IL1RAPL2: variants seen among roughly 807,000 people sequenced by gnomAD.
The protein encoded by IL1RAPL2 is X-linked interleukin-1 receptor accessory protein-like 2.
Under a neutral mutation model 44.1 loss-of-function variants are expected in IL1RAPL2, and 3 were observed. That is an observed-to-expected ratio of 0.07 (90% CI 0.03 to 0.18). The LOEUF is 0.18. Ranked by LOEUF, IL1RAPL2 falls within the 10% of genes least tolerant of loss-of-function variation. The pLI is 1.00. For missense variants in IL1RAPL2, 391 were observed against 496.4 expected, an observed-to-expected ratio of 0.79 and a Z score of 2.02; for synonymous variants, 181 against 178.8, an observed-to-expected ratio of 1.01 and a Z score of -0.10.
chrX:104,995,462 T>C (rs1202840392), intron 2 of IL1RAPL2, among the ~76,000 whole-genome samples: 3 of 111,726 alleles, frequency 2.7e-5, no homozygotes, highest in Non-Finnish European at 5.7e-5. Flanking sequence ...TGTGATTACT[T>C]GTACCTAGAG....
At chrX:105,445,440 T>G (rs770418166) in intron 5 of IL1RAPL2, among the ~76,000 whole-genome samples, 19 of 111,695 alleles carry the variant, frequency 1.7e-4, no homozygotes, top group African/African-American at 5.2e-4. Context: ...CTACTAATAT[T>G]GAGTTTGGTT....
intron 2 of IL1RAPL2, among the ~76,000 whole-genome samples, chrX:104,958,529 C>T (rs1196865157): frequency 2.0e-5 from 2 of 101,314 alleles, no homozygotes; most frequent in African/African-American, 7.3e-5. Flanking sequence ...AACCTGACCA[C>T]AGAAGCAGGG....
intron 5 of IL1RAPL2, among the ~76,000 whole-genome samples, chrX:105,310,764 T>A (rs2034790974): frequency 8.9e-6 from 1 of 111,786 alleles, no homozygotes; most frequent in Admixed American, 9.6e-5. Flanking sequence ...TTTTTAAACA[T>A]AATTTATTGT....
chrX:104,767,260 CT>C (rs1569310970), intron 2 of IL1RAPL2, among the ~76,000 whole-genome samples: 3 of 111,725 alleles, frequency 2.7e-5, no homozygotes, highest in African/African-American at 9.8e-5. Flanking sequence ...TGGAGTGCCC[CT>C]GGAAGTTGAT....
intron 5 of IL1RAPL2, among the ~76,000 whole-genome samples, chrX:105,471,580 C>CT (rs143352963): frequency 0.088 from 8,838 of 100,887 alleles, 984 homozygotes; most frequent in African/African-American, 0.29. Flanking sequence ...TATGCAGTGC[C>CT]TTTTTTTTTT....
rs1569487462 is a variant in IL1RAPL2, at chrX:104,582,622, TTCTTTCTTTCTTTCTTTCTC to T, written c.-20+15589_-20+15608del. Among the ~76,000 whole-genome samples, 311 of 74,182 alleles carry T rather than the reference TTCTTTCTTTCTTTCTTTCTC, an allele frequency of 4.2e-3. 3 individuals are homozygous for T. The highest frequency in any genetic ancestry group is 0.019 in the African/African-American group (299 of 15,648). 64.4% of individuals were successfully genotyped at this position (74,182 alleles called of 115,157 possible). A position where few individuals can be genotyped will look rare whatever the true frequency, so the allele number is the denominator to read the frequency against. ...TTTCTTTCTTTCTTTCTTTCTTTCT[TTCTTTCTTTCTTTCTTTCTC>T]TCTTTCTTTCTTTCTTTTTTTTCTT... On this transcript the variant is annotated intron_variant, in intron 1 of 10. Transcript: ENST00000372582.
chrX:105,628,438 CA>C lies in IL1RAPL2; in HGVS notation c.773-88920del, dbSNP rs935538163. On this transcript the variant is annotated intron_variant, in intron 6 of 10. Transcript: ENST00000372582. ...TGGCTGTTGTTAAAAGATAATTTTA[CA>C]AAAAAAAATTGTAAAATTAAGACTG... Among the ~76,000 whole-genome samples the C allele has an allele frequency of 8.4e-5, 9 of 107,498 alleles. No individual in the cohort carries two copies. In the East Asian group the frequency reaches 2.3e-3, roughly 28 times the overall value. The allele number at this position is 107,498 out of a possible 115,157, so 93.3% of individuals were successfully genotyped here.
intron 5 of IL1RAPL2, among the ~76,000 whole-genome samples, chrX:105,320,857 C>T (rs781156019): frequency 6.7e-4 from 75 of 111,790 alleles, no homozygotes; most frequent in African/African-American, 2.4e-3. Context: ...CTGATTTGAA[C>T]CCTGCCCCAT....
intron 1 of IL1RAPL2, among the ~76,000 whole-genome samples, chrX:104,648,665 C>T (rs1049126326): frequency 9.0e-6 from 1 of 111,623 alleles, no homozygotes; most frequent in Non-Finnish European, 1.9e-5. Flanking sequence ...CCTACTACTT[C>T]TAGGTTTCCT....
At chrX:105,559,932 C>A (rs150305672) in intron 6 of IL1RAPL2, among the ~76,000 whole-genome samples, 2,006 of 111,740 alleles carry the variant, frequency 0.018, 97 homozygotes, top group East Asian at 0.14. Context: ...AAAATAGCTT[C>A]TTTGGCTTCT....
At position 105,361,773 on chromosome X, in the gene IL1RAPL2, T is replaced by C. The variant is rs181938600; in HGVS notation, c.697+94232T>C. The stretch of plus-strand genomic sequence containing the variant: ...GGGGTACTAACTTTCATAAAGATTT[T>C]TACTTCTTGAAGAGGACTTAATTTC... On this transcript the variant is annotated intron_variant, in intron 5 of 10. Coordinates refer to ENST00000372582, the MANE Select transcript of IL1RAPL2 (RefSeq NM_017416.2). 1.8e-3 allele frequency among the ~76,000 whole-genome samples: 200 copies of C among 111,894 alleles called. 1 individual carries two copies. Among genetic ancestry groups the C allele is most frequent in the African/African-American group, 6.3e-3 (195 of 30,927 alleles).
chrX:104,636,566 C>T (rs903985816), intron 1 of IL1RAPL2, among the ~76,000 whole-genome samples: 6 of 111,980 alleles, frequency 5.4e-5, no homozygotes, highest in Non-Finnish European at 9.4e-5. Flanking sequence ...CCCAGCCTTG[C>T]TGCCACCTTG....
At chrX:105,149,205 A>G (rs1189085084) in intron 2 of IL1RAPL2, among the ~76,000 whole-genome samples, 1 of 111,994 alleles carries the variant, frequency 8.9e-6, no homozygotes, top group Non-Finnish European at 1.9e-5. Context: ...AAATGCCAAC[A>G]TGAATTTAAG....
chrX:105,665,963 C>T (rs1474966157), intron 6 of IL1RAPL2, among the ~76,000 whole-genome samples: 1 of 108,716 alleles, frequency 9.2e-6, no homozygotes, highest in Non-Finnish European at 1.9e-5. Flanking sequence ...GGGGTTTCAC[C>T]GTCTTAACCA....
At chrX:105,737,096 G>A (rs757105887) in intron 7 of IL1RAPL2, among the ~76,000 whole-genome samples, 1 of 111,369 alleles carries the variant, frequency 9.0e-6, no homozygotes, top group East Asian at 2.9e-4. Flanking sequence ...GGATGGAGCT[G>A]GAAGCCATTA....
intron 2 of IL1RAPL2, among the ~76,000 whole-genome samples, chrX:105,189,360 C>A (rs1556135911): frequency 8.9e-6 from 1 of 111,968 alleles, no homozygotes. Flanking sequence ...CGTGCCTCAC[C>A]CTCCAGAGTA....
intron 2 of IL1RAPL2, among the ~76,000 whole-genome samples, chrX:105,029,334 T>C (rs2147750931): frequency 9.5e-6 from 1 of 105,610 alleles, no homozygotes; most frequent in East Asian, 3.1e-4. Context: ...ATGTGCCATG[T>C]TGGTGTGCTG....
In IL1RAPL2 at chrX:104,632,956, G is replaced by A. The variant is rs759690693; in HGVS notation, c.-19-25939G>A. Among the ~76,000 whole-genome samples, 481 of 111,334 alleles carry A rather than the reference G, an allele frequency of 4.3e-3. 5 individuals are homozygous for A. Among genetic ancestry groups the A allele is most frequent in the Non-Finnish European group, 6.7e-3 (357 of 53,055 alleles). Reference sequence around the variant, plus strand: ...GAATGCTTCCAGTTTTTGCCCATTCGGTATGATATTGGCTGTGGGTTTGTC... The same window carrying A: ...GAATGCTTCCAGTTTTTGCCCATTCAGTATGATATTGGCTGTGGGTTTGTC... On this transcript the variant is annotated intron_variant, in intron 1 of 10. Transcript: ENST00000372582.
intron 5 of IL1RAPL2, among the ~76,000 whole-genome samples, chrX:105,324,071 C>G (rs903703858): frequency 9.0e-6 from 1 of 111,615 alleles, no homozygotes. Flanking sequence ...AAGATTGTAA[C>G]GTGATACAAA....
Sources: gnomAD v4.1 joint callset for allele counts (sites outside exome capture counted in the v4.1 genomes callset) on GRCh38, gnomAD v4.1.1 for gene constraint, MANE v1.5 for transcripts, NCBI Gene and HGNC (gene_info 2026-07-23, HGNC 2026-07-21) for gene names.